Variants in C16orf86 observed in about 807,000 individuals in gnomAD.
C16orf86 encodes the protein chromosome 16 open reading frame 86, also known as uncharacterized protein C16orf86.
A neutral mutation model predicts 21.5 loss-of-function variants in C16orf86; 19 were observed. That is an observed-to-expected ratio of 0.88 (90% CI 0.62 to 1.30). The LOEUF (loss-of-function observed/expected upper bound fraction) is 1.30. Ranked by LOEUF, C16orf86 falls within the 50% of genes most tolerant of loss-of-function variation. The pLI, the probability that C16orf86 is intolerant of heterozygous loss-of-function variation, is 0.00. For missense variants in C16orf86, 391 were observed against 415.8 expected, an observed-to-expected ratio of 0.94 and a Z score of 0.52; for synonymous variants, 188 against 183.5, an observed-to-expected ratio of 1.02 and a Z score of -0.20.
Position 67,668,482 on chromosome 16 carries a change from G to T in C16orf86, c.836G>T (p.Ser279Ile). The T allele has an allele frequency of 6.2e-7, 1 of 1,613,120 alleles. No individual in the cohort carries two copies. The highest frequency in any genetic ancestry group is 8.5e-7 in the Non-Finnish European group (1 of 1,179,790). Residue 279 changes from serine to isoleucine, a missense_variant, in exon 4 of 4, where the codon AGC becomes ATC. Ser to Ile is a moderately radical substitution (Grantham distance 142). Coordinates refer to ENST00000403458, the MANE Select transcript of C16orf86 (RefSeq NM_001012984.3). ...GGAGAGGAGCCTGGGGGCTTGCCCA[G>T]CTTGGGGGTGAGTGACCACAAGGCC... ...EAGEEPGGLP[S>I]LGVSDHKAEV...
chr16:67,667,504 G>GT lies in C16orf86; in HGVS notation c.312dup (p.Pro105SerfsTer19). 6.2e-7 allele frequency: 1 copy of GT among 1,606,882 alleles called. No homozygotes were observed. The highest frequency in any genetic ancestry group is 8.5e-7 in the Non-Finnish European group (1 of 1,177,046). On this transcript the variant is annotated frameshift_variant, in exon 2 of 4. Coordinates refer to ENST00000403458, the MANE Select transcript of C16orf86 (RefSeq NM_001012984.3). LOFTEE classifies it high-confidence loss of function. ...GTCTCCATTGTGAGGCCCCGTCATG[G>GT]TCCAAAGAGAAAGCCTGTCAAGTGA...
chr16:67,667,660 CAAG>C, intron 2 of C16orf86, 135 bp downstream of exon 2: 1 of 1,541,238 alleles, frequency 6.5e-7, no homozygotes, highest in Non-Finnish European at 8.7e-7. Flanking sequence ...TCCCGTTCCT[CAAG>C]AGCCCCCGTG....
intron 2 of C16orf86, 126 bp downstream of exon 2, chr16:67,667,651 C>T: frequency 6.5e-7 from 1 of 1,542,546 alleles, no homozygotes; most frequent in Non-Finnish European, 8.7e-7. Context: ...TCACTCTCCT[C>T]CCGTTCCTCA....
chr16:67,668,286 G>C lies in C16orf86; in HGVS notation c.640G>C (p.Ala214Pro). The C allele has an allele frequency of 6.2e-7, 1 of 1,611,622 alleles. No homozygotes were observed. Among genetic ancestry groups the C allele is most frequent in the Admixed American group, 1.7e-5 (1 of 59,872 alleles). Residue 214 changes from alanine to proline, a missense_variant, in exon 4 of 4, where the codon GCT (alanine) becomes CCT (proline). By Grantham distance (27) the Ala-to-Pro change is conservative. Transcript: ENST00000403458. The part of the protein sequence containing the change: ...LNQAGKGDGE[A>P]EVEAEAELAP... ...CCAGGCAGGGAAGGGGGACGGGGAGGCTGAGGTGGAGGCAGAGGCAGAGCT... is the reference window on the plus strand; with the variant it reads ...CCAGGCAGGGAAGGGGGACGGGGAGCCTGAGGTGGAGGCAGAGGCAGAGCT...
In C16orf86 at chr16:67,666,872, C is replaced by G. The variant is rs1203919224; in HGVS notation, c.-99C>G. 5.0e-6 allele frequency: 4 copies of G among 803,640 alleles called. No homozygotes were observed. Among genetic ancestry groups the G allele is most frequent in the Non-Finnish European group, 7.2e-6 (4 of 552,568 alleles). The allele number at this position is 803,640 out of a possible 1,614,324, so 49.8% of individuals were successfully genotyped here. ...CGGTTTCTCTTCCCAGCTCTGCCCT[C>G]GCTTGCTGGCCGGTCTCCGGGGTCA... On this transcript the variant is annotated 5_prime_UTR_variant, in exon 1 of 4. Transcript: ENST00000403458.
At position 67,666,842 on chromosome 16, in the gene C16orf86, G is replaced by A. The variant is rs1376214928; in HGVS notation, c.-129G>A. On this transcript the variant is annotated 5_prime_UTR_variant, in exon 1 of 4. Transcript: ENST00000403458. ...GTTTCGGCCGAGGGTGGGCTCCGCG[G>A]TCGCCGGTTTCTCTTCCCAGCTCTG... The A allele has an allele frequency of 3.4e-6, 2 of 596,910 alleles. No individual in the cohort carries two copies. Among genetic ancestry groups the A allele is most frequent in the Non-Finnish European group, 5.3e-6 (2 of 376,260 alleles). The allele number at this position is 596,910 out of a possible 1,614,324, so 37.0% of individuals were successfully genotyped here.
intron 2 of C16orf86, 159 bp from the exon 3 acceptor site, chr16:67,667,719 G>T: frequency 6.6e-7 from 1 of 1,523,004 alleles, no homozygotes; most frequent in Non-Finnish European, 8.8e-7. Flanking sequence ...GTAGGGGCCT[G>T]GGCTCACTGG....
chr16:67,667,751 G>C, intron 2 of C16orf86, 127 bp from the exon 3 acceptor site: 1 of 1,515,332 alleles, frequency 6.6e-7, no homozygotes, highest in South Asian at 1.2e-5. Flanking sequence ...CTTGGGCCTG[G>C]GGTCTCATTG....
In C16orf86 at chr16:67,668,700, C is replaced by T. The variant is rs975734990; in HGVS notation, c.*100C>T. On this transcript the variant is annotated 3_prime_UTR_variant, in exon 4 of 4. Coordinates refer to ENST00000403458, the MANE Select transcript of C16orf86 (RefSeq NM_001012984.3). Reference sequence around the variant, plus strand: ...TCTGGTGGCGGGGGCAAATTTGGCACCTGCCCCCACTTGGGACTTTGGTCT... The same window carrying T: ...TCTGGTGGCGGGGGCAAATTTGGCATCTGCCCCCACTTGGGACTTTGGTCT... 5 of 965,256 alleles carry T rather than the reference C, an allele frequency of 5.2e-6. No homozygotes were observed. Among genetic ancestry groups the T allele is most frequent in the South Asian group, 4.2e-5 (3 of 70,626 alleles). 59.8% of individuals were successfully genotyped at this position (965,256 alleles called of 1,614,324 possible). A position where few individuals can be genotyped will look rare whatever the true frequency, so the allele number is the denominator to read the frequency against.
At position 67,668,360 on chromosome 16, in the gene C16orf86, G is replaced by A. The variant is rs951769110; in HGVS notation, c.714G>A (p.Leu238=). The A allele has an allele frequency of 6.2e-7, 1 of 1,612,810 alleles. No individual in the cohort carries two copies. Among genetic ancestry groups the A allele is most frequent in the Non-Finnish European group, 8.5e-7 (1 of 1,179,886 alleles). The change falls in exon 4 of 4, where the codon CTG becomes CTA. Residue 238 remains leucine, a synonymous_variant. Coordinates refer to ENST00000403458, the MANE Select transcript of C16orf86 (RefSeq NM_001012984.3). ...GTGTGGAGCAACTGCAGGCCTTGCT[G>A]CCCTTGGCAGGTGAGCTGGGCCCAG... ...EGGVEQLQAL[L]PLAGELGPGL...
Position 67,668,689 on chromosome 16 carries a change from C to A in C16orf86, c.*89C>A. ...GGCCTAGGCCCTCTGGTGGCGGGGG[C>A]AAATTTGGCACCTGCCCCCACTTGG... On this transcript the variant is annotated 3_prime_UTR_variant, in exon 4 of 4. Coordinates refer to ENST00000403458, the MANE Select transcript of C16orf86 (RefSeq NM_001012984.3). 8.5e-7 allele frequency: 1 copy of A among 1,182,282 alleles called. No individual in the cohort carries two copies. The allele number at this position is 1,182,282 out of a possible 1,614,324, so 73.2% of individuals were successfully genotyped here.
At chr16:67,667,166 C>T in intron 1 of C16orf86, 94 bp downstream of exon 1, 2 of 1,430,150 alleles carry the variant, frequency 1.4e-6, no homozygotes, top group Non-Finnish European at 1.9e-6. Flanking sequence ...CAGGCTGGGC[C>T]CTCCAGGCGG....
intron 2 of C16orf86, 161 bp from the exon 3 acceptor site, chr16:67,667,717 C>T: frequency 6.6e-7 from 1 of 1,522,568 alleles, no homozygotes; most frequent in Non-Finnish European, 8.8e-7. Flanking sequence ...TTGTAGGGGC[C>T]TGGGCTCACT....
rs377334652 is a variant in C16orf86, at chr16:67,668,324, C to T, written c.678C>T (p.Pro226=). Residue 226 remains proline, a synonymous_variant, in exon 4 of 4, where the codon CCC becomes CCT. Coordinates refer to ENST00000403458, the MANE Select transcript of C16orf86 (RefSeq NM_001012984.3). Reference sequence around the variant, plus strand: ...CAGAGGCAGAGCTGGCCCCGGTTCCCGAGGAGGGAGGTGTGGAGCAACTGC... The same window carrying T: ...CAGAGGCAGAGCTGGCCCCGGTTCCTGAGGAGGGAGGTGTGGAGCAACTGC... ...VEAEAELAPV[P]EEGGVEQLQA... 22 of 1,612,696 alleles carry T rather than the reference C, an allele frequency of 1.4e-5. No homozygotes were observed. The highest frequency in any genetic ancestry group is 8.3e-5 in the Admixed American group (5 of 59,998).
Position 67,667,058 on chromosome 16 carries a change from G to A in C16orf86, c.88G>A (p.Ala30Thr), listed in dbSNP as rs1052742181. ...ACAGCTCACGGAGGAGCCCGGCAGC[G>A]CTCAGACCTCCGAGGTGACCGTCAG... ...QGQLTEEPGS[A>T]QTSECPVAGD... The change falls in exon 1 of 4, where the codon GCT becomes ACT. Residue 30 changes from alanine (A) to threonine (T), a missense_variant. Coordinates refer to ENST00000403458, the MANE Select transcript of C16orf86 (RefSeq NM_001012984.3). The A allele has an allele frequency of 6.9e-6, 10 of 1,453,618 alleles. No individual in the cohort carries two copies. The highest frequency in any genetic ancestry group is 9.0e-6 in the Non-Finnish European group (10 of 1,107,516). 90.0% of individuals were successfully genotyped at this position (1,453,618 alleles called of 1,614,324 possible).
rs766528383 is a variant in C16orf86, at chr16:67,668,035, G to A, written c.490G>A (p.Ala164Thr). 3 of 1,613,328 alleles carry A rather than the reference G, an allele frequency of 1.9e-6. No individual in the cohort carries two copies. Among genetic ancestry groups the A allele is most frequent in the African/African-American group, 1.3e-5 (1 of 74,954 alleles). The change falls in exon 3 of 4, where the codon GCT becomes ACT. Residue 164 changes from alanine to threonine, a missense_variant. Transcript: ENST00000403458. ...KKAKKRKSLG[A>T]PVLHAVASMV... ...AGCCAAGAAGCGCAAGAGCCTGGGG[G>A]CTCCCGTGCTCCACGCTGTGGCCAG...
At chr16:67,667,760 T>A in intron 2 of C16orf86, 118 bp from the exon 3 acceptor site, 1 of 1,515,916 alleles carries the variant, frequency 6.6e-7, no homozygotes. Flanking sequence ...GGGGTCTCAT[T>A]GACCAGGAAC....
At chr16:67,667,773 G>C (rs2053124758) in intron 2 of C16orf86, 105 bp from the exon 3 acceptor site, 1 of 1,518,128 alleles carries the variant, frequency 6.6e-7, no homozygotes, top group East Asian at 2.5e-5. Context: ...CCAGGAACGG[G>C]ACAGGCGTCG....
In C16orf86 at chr16:67,668,563, C is replaced by T. The variant is rs560018865; in HGVS notation, c.917C>T (p.Ala306Val). 43 of 1,613,512 alleles carry T rather than the reference C, an allele frequency of 2.7e-5. 1 individual carries two copies. The South Asian group carries it at 4.3e-4, about 16-fold the overall frequency. ...GACAAGATGCTGAGTGTCTGCACTGCTCCACTTGTCCCCCCGCTCTCTCCT... is the reference window on the plus strand; with the variant it reads ...GACAAGATGCTGAGTGTCTGCACTGTTCCACTTGTCCCCCCGCTCTCTCCT... ...DIDKMLSVCT[A>V]PLVPPLSPQY... The change falls in exon 4 of 4, where the codon GCT (alanine) becomes GTT (valine). Residue 306 changes from alanine (A) to valine (V), a missense_variant. Ala to Val is a moderately conservative substitution (Grantham distance 64). Coordinates refer to ENST00000403458, the MANE Select transcript of C16orf86 (RefSeq NM_001012984.3).
Sources: allele counts gnomAD v4.1 joint callset, GRCh38; gene constraint gnomAD v4.1.1; transcripts MANE v1.5; gene names NCBI Gene and HGNC (gene_info 2026-07-23, HGNC 2026-07-21).